Variants in ADAMTSL1 observed in about 807,000 individuals in gnomAD.
ADAMTSL1 encodes ADAMTS like 1.
In ADAMTSL1, 126 loss-of-function variants were observed where a neutral mutation model predicts 201.8. That is an observed-to-expected ratio of 0.62 (90% confidence interval 0.54 to 0.72). The LOEUF is 0.72. ADAMTSL1 is among the 30% of genes least tolerant of loss of function. The pLI is 0.00. For missense variants in ADAMTSL1, 2,679 were observed against 2,277.8 expected, an observed-to-expected ratio of 1.18 and a Z score of -3.59; for synonymous variants, 1,121 against 903.4, an observed-to-expected ratio of 1.24 and a Z score of -4.32.
At chr9:18,089,142 A>C (rs1191569950) in intron 1 of ADAMTSL1, among the ~76,000 whole-genome samples, 1 of 152,160 alleles carries the variant, frequency 6.6e-6, no homozygotes. Flanking sequence ...ACAGGAGCGA[A>C]ACTCTGTCTC....
intron 1 of ADAMTSL1, among the ~76,000 whole-genome samples, chr9:17,986,710 G>C (rs1818942562): frequency 6.6e-6 from 1 of 152,044 alleles, no homozygotes. Context: ...AACCCTAACT[G>C]ACAGTGTGGC....
At chr9:18,077,443 G>A (rs973294898) in intron 1 of ADAMTSL1, among the ~76,000 whole-genome samples, 5 of 152,134 alleles carry the variant, frequency 3.3e-5, no homozygotes, top group African/African-American at 1.2e-4. Flanking sequence ...ACAGAGTAAT[G>A]GCATGGAAGT....
At position 18,909,476 on chromosome 9, in the gene ADAMTSL1, CTT is replaced by C. The variant is rs1830490628; in HGVS notation, c.*930_*931del. On this transcript the variant is annotated 3_prime_UTR_variant, in exon 29 of 29. Coordinates refer to ENST00000380548, the MANE Select transcript of ADAMTSL1 (RefSeq NM_001040272.6). ...ATGCAGTAAGGCCACCCTGGCACCT[CTT>C]TATCTAAATCCGAAGTCCCCTAGCC... is the stretch of plus-strand genomic sequence containing the variant. The C allele has an allele frequency of 6.6e-6, 1 of 152,318 alleles. No individual in the cohort carries two copies. The highest frequency in any genetic ancestry group is 1.5e-5 in the Non-Finnish European group (1 of 68,104). The allele number at this position is 152,318 out of a possible 1,614,324, so 9.4% of individuals were successfully genotyped here.
intron 1 of ADAMTSL1, among the ~76,000 whole-genome samples, chr9:18,486,018 T>G (rs573656107): frequency 6.6e-5 from 10 of 152,208 alleles, no homozygotes; most frequent in Non-Finnish European, 1.3e-4. Flanking sequence ...TGGGCTCCCT[T>G]TGCTGTACAT....
chr9:18,470,721 C>T (rs1412289509), upstream of ADAMTSL1, among the ~76,000 whole-genome samples: 1 of 152,202 alleles, frequency 6.6e-6, no homozygotes, highest in Non-Finnish European at 1.5e-5. Context: ...CTCACTCTTT[C>T]CTCCCATAAA....
intron 2 of ADAMTSL1, among the ~76,000 whole-genome samples, chr9:18,373,652 C>T (rs1188927738): frequency 1.3e-5 from 2 of 152,106 alleles, no homozygotes; most frequent in Admixed American, 6.6e-5. Flanking sequence ...CTTGACACCA[C>T]TGCCAACATC....
chr9:18,091,858 T>TGTGA (rs922621955), intron 1 of ADAMTSL1, among the ~76,000 whole-genome samples: 4 of 151,850 alleles, frequency 2.6e-5, no homozygotes, highest in South Asian at 2.1e-4. Flanking sequence ...GCACGGGTAT[T>TGTGA]GTGAGTGAGT....
At chr9:18,242,776 G>C (rs897580763) in intron 2 of ADAMTSL1, among the ~76,000 whole-genome samples, 3 of 151,834 alleles carry the variant, frequency 2.0e-5, no homozygotes, top group Non-Finnish European at 4.4e-5. Flanking sequence ...AAAAAATTAG[G>C]AATAAATTTA....
chr9:17,956,526 C>T (rs1827938230), intron 1 of ADAMTSL1, among the ~76,000 whole-genome samples: 1 of 152,104 alleles, frequency 6.6e-6, no homozygotes, highest in South Asian at 2.1e-4. Context: ...CCAGCTTATG[C>T]TTGGGAAGCC....
intron 1 of ADAMTSL1, among the ~76,000 whole-genome samples, chr9:18,160,408 C>A (rs1029317680): frequency 6.6e-6 from 1 of 152,046 alleles, no homozygotes; most frequent in Admixed American, 6.6e-5. Context: ...ACTCTCTGGC[C>A]CCTAATCCTA....
chr9:17,979,949 G>C (rs965116884), intron 1 of ADAMTSL1, among the ~76,000 whole-genome samples: 2 of 152,050 alleles, frequency 1.3e-5, no homozygotes, highest in African/African-American at 4.8e-5. Flanking sequence ...AACTGAGGGG[G>C]CTAACATGAA....
intron 2 of ADAMTSL1, among the ~76,000 whole-genome samples, chr9:18,307,682 C>G (rs774433900): frequency 1.3e-5 from 2 of 152,036 alleles, no homozygotes; most frequent in Non-Finnish European, 2.9e-5. Flanking sequence ...CAGGAGCACC[C>G]AGATTCATAA....
intron 20 of ADAMTSL1, among the ~76,000 whole-genome samples, chr9:18,798,715 C>T (rs1433818): frequency 0.13 from 19,324 of 152,124 alleles, 1,631 homozygotes; most frequent in African/African-American, 0.23. Context: ...CAGAGAGAGA[C>T]GCCTGATGGG....
At chr9:17,922,189 C>A (rs1361322388) in intron 1 of ADAMTSL1, among the ~76,000 whole-genome samples, 1 of 150,504 alleles carries the variant, frequency 6.6e-6, no homozygotes, top group African/African-American at 2.4e-5. Context: ...TTTTATTTTG[C>A]ACTGGGATGA....
intron 1 of ADAMTSL1, among the ~76,000 whole-genome samples, chr9:17,917,519 C>T (rs1826142781): frequency 6.6e-6 from 1 of 151,940 alleles, no homozygotes; most frequent in African/African-American, 2.4e-5. Context: ...AATGTTCAAC[C>T]TACCTTGCAT....
At chr9:18,200,713 A>G (rs1438044244) in intron 2 of ADAMTSL1, among the ~76,000 whole-genome samples, 1 of 152,082 alleles carries the variant, frequency 6.6e-6, no homozygotes, top group Admixed American at 6.6e-5. Flanking sequence ...AGCACTTTCC[A>G]AATGAGTTAT....
intron 2 of ADAMTSL1, among the ~76,000 whole-genome samples, chr9:18,448,351 A>G (rs983117773): frequency 1.3e-5 from 2 of 152,192 alleles, no homozygotes; most frequent in Non-Finnish European, 2.9e-5. Context: ...AATTATTGCT[A>G]TTGTAACCAC....
In ADAMTSL1 at chr9:18,625,256, C is replaced by T. The variant is rs1460505075; in HGVS notation, c.601+2887C>T. Among the ~76,000 whole-genome samples the T allele has an allele frequency of 6.7e-5, 10 of 148,594 alleles. No homozygotes were observed. The East Asian group carries it at 1.8e-3, about 27-fold the overall frequency. ...TCCCCACATTGAACTCACTTTCTTT[C>T]TGAACTTATATCCAAGTTTTTTTTT... On this transcript the variant is annotated intron_variant, in intron 5 of 28. Transcript: ENST00000380548.
At chr9:18,834,410 G>A (rs1011772413) in intron 23 of ADAMTSL1, among the ~76,000 whole-genome samples, 5 of 151,808 alleles carry the variant, frequency 3.3e-5, no homozygotes, top group African/African-American at 9.7e-5. Flanking sequence ...CACCTTCTTT[G>A]TTATTCATTT....
Sources: allele counts gnomAD v4.1 joint callset (sites outside exome capture counted in the v4.1 genomes callset), GRCh38; gene constraint gnomAD v4.1.1; transcripts MANE v1.5; gene names NCBI Gene and HGNC (gene_info 2026-07-23, HGNC 2026-07-21).